MYO10: variants seen among roughly 807,000 people sequenced by gnomAD.
MYO10 encodes myosin X.
MYO10 carries 133 observed loss-of-function variants against 257.3 expected under a neutral mutation model. The ratio of observed to expected loss-of-function variants is 0.52; its 90% CI spans 0.45 to 0.60. MYO10 has a LOEUF of 0.60. Among genes scored for constraint, MYO10 ranks in the 20% least tolerant of loss-of-function variants. The probability of loss-of-function intolerance (pLI) is 0.00; values close to 1 mark genes in which losing one functional copy is unlikely to be tolerated. For missense variants in MYO10, 2,399 were observed against 2,635.7 expected (o/e 0.91, Z 1.97); for synonymous variants, 1,104 against 1,028.6 (o/e 1.07, Z -1.40).
Position 16,675,121 on chromosome 5 carries a change from G to C in MYO10, c.4696C>G (p.Gln1566Glu). 6.2e-7 allele frequency: 1 copy of C among 1,613,902 alleles called. No homozygotes were observed. The highest frequency in any genetic ancestry group is 8.5e-7 in the Non-Finnish European group (1 of 1,179,882). The change falls in exon 35 of 41, where the codon CAG becomes GAG. Residue 1566 changes from glutamine (Q) to glutamate (E), a missense_variant. Coordinates refer to ENST00000513610, the MANE Select transcript of MYO10 (RefSeq NM_012334.3). ...LLKDKGYTTLQDEAIKIFNSL... is the reference protein window; with the variant it reads ...LLKDKGYTTLEDEAIKIFNSL... The stretch of plus-strand genomic sequence containing the variant: ...TTGAATATCTTGATGGCCTCATCCT[G>C]AAGGGTGGTATAGCCTTTGTCTTTG...
intron 1 of MYO10, among the ~76,000 whole-genome samples, chr5:16,887,926 A>C (rs1001168234): frequency 1.3e-5 from 2 of 152,234 alleles, no homozygotes; most frequent in African/African-American, 4.8e-5. Flanking sequence ...GAAATGAGAC[A>C]TCTCCAAATT....
At chr5:16,815,610 G>C (rs1178970441) in intron 3 of MYO10, 1 of 605,874 alleles carries the variant, frequency 1.7e-6, no homozygotes, top group East Asian at 2.8e-5. Context: ...GTTCCAGGAA[G>C]ACAAAATAAG....
intron 1 of MYO10, among the ~76,000 whole-genome samples, chr5:16,897,939 G>A (rs1213386481): frequency 5.9e-5 from 9 of 152,174 alleles, no homozygotes; most frequent in African/African-American, 1.4e-4. Flanking sequence ...CAAACTCTGC[G>A]GACCCTAATC....
chr5:16,688,680 C>T (rs1053890720), intron 28 of MYO10, among the ~76,000 whole-genome samples: 11 of 150,418 alleles, frequency 7.3e-5, no homozygotes, highest in African/African-American at 2.7e-4. Context: ...GTGGAGGCTG[C>T]GGTGAGCCAA....
chr5:16,883,122 A>G (rs534414053), intron 1 of MYO10, among the ~76,000 whole-genome samples: 3 of 152,078 alleles, frequency 2.0e-5, no homozygotes, highest in Admixed American at 1.3e-4. Flanking sequence ...TCACCGTGTT[A>G]GCCAGGATGG....
In MYO10 at chr5:16,702,978, T is replaced by C. The variant is rs1738156602; in HGVS notation, c.2457A>G (p.Glu819=). 1 of 1,552,042 alleles carries C rather than the reference T, an allele frequency of 6.4e-7. No homozygotes were observed. Among genetic ancestry groups the C allele is most frequent in the African/African-American group, 1.4e-5 (1 of 73,058 alleles). Residue 819 remains glutamate (E), a synonymous_variant, in exon 23 of 41, where the codon GAA becomes GAG. Coordinates refer to ENST00000513610, the MANE Select transcript of MYO10 (RefSeq NM_012334.3). ...CTTCCTCTTCCTGTTTCTTCTTTTC[T>C]TCTTGCTCCCTTTTCTCTGCCAGCA... ...RQLLAEKREQ[E]EKKKQEEEEK... is the part of the protein sequence containing the mutation.
intron 3 of MYO10, among the ~76,000 whole-genome samples, chr5:16,809,675 AT>A (rs1742375874): frequency 1.3e-5 from 2 of 152,244 alleles, no homozygotes; most frequent in African/African-American, 4.8e-5. Flanking sequence ...AAAGGAGGAT[AT>A]TTTTGAAACA....
At chr5:16,671,598 C>T in intron 37 of MYO10, 56 bp from the exon 38 acceptor site, 1 of 1,603,222 alleles carries the variant, frequency 6.2e-7, no homozygotes, top group East Asian at 2.2e-5. Flanking sequence ...CCTTCAGTGA[C>T]CCGCAGGGAC....
chr5:16,717,700 T>C (rs1738931556), intron 19 of MYO10, among the ~76,000 whole-genome samples: 1 of 151,458 alleles, frequency 6.6e-6, no homozygotes, highest in Non-Finnish European at 1.5e-5. Flanking sequence ...CATATCAACC[T>C]CTGATCACTG....
At chr5:16,822,508 C>A (rs952703781) in intron 2 of MYO10, among the ~76,000 whole-genome samples, 1 of 151,800 alleles carries the variant, frequency 6.6e-6, no homozygotes, top group African/African-American at 2.4e-5. Context: ...CTAAGGAGTA[C>A]CTGGGGGTTA....
chr5:16,815,971 T>G (rs1341676839), intron 3 of MYO10, among the ~76,000 whole-genome samples: 1 of 151,266 alleles, frequency 6.6e-6, no homozygotes, highest in Non-Finnish European at 1.5e-5. Context: ...TGAATTTCTC[T>G]GGACAGGGCT....
intron 2 of MYO10, among the ~76,000 whole-genome samples, chr5:16,820,935 ATATAT>A (rs959141338): frequency 2.0e-5 from 3 of 147,892 alleles, no homozygotes; most frequent in African/African-American, 4.9e-5. Flanking sequence ...AAAACATCTT[ATATAT>A]TATATATTAT....
chr5:16,802,549 C>T (rs992751656), intron 3 of MYO10, among the ~76,000 whole-genome samples: 7 of 150,114 alleles, frequency 4.7e-5, no homozygotes, highest in African/African-American at 1.7e-4. Context: ...CCCAGCTACT[C>T]AGGAGGCTGA....
intron 2 of MYO10, among the ~76,000 whole-genome samples, chr5:16,837,666 A>G (rs1466578741): frequency 6.6e-6 from 1 of 152,170 alleles, no homozygotes; most frequent in Non-Finnish European, 1.5e-5. Context: ...TTTAATACAC[A>G]TGAGTTAGGC....
At chr5:16,882,963 T>C (rs1352971770) in intron 1 of MYO10, among the ~76,000 whole-genome samples, 1 of 151,896 alleles carries the variant, frequency 6.6e-6, no homozygotes, top group Non-Finnish European at 1.5e-5. Flanking sequence ...TCACCCAGGC[T>C]GGAATGCAGT....
chr5:16,667,362 C>A (rs1040027806), intron 40 of MYO10, among the ~76,000 whole-genome samples: 2 of 152,168 alleles, frequency 1.3e-5, no homozygotes, highest in African/African-American at 2.4e-5. Context: ...GTCATTGCCA[C>A]CCCTTCTCAC....
intron 1 of MYO10, among the ~76,000 whole-genome samples, chr5:16,892,363 G>A (rs1199865846): frequency 1.3e-5 from 2 of 152,060 alleles, no homozygotes; most frequent in Non-Finnish European, 2.9e-5. Context: ...TGGGGTTGCC[G>A]GGCACGGTGG....
chr5:16,705,569 C>T (rs948998622), intron 21 of MYO10, among the ~76,000 whole-genome samples: 2 of 152,150 alleles, frequency 1.3e-5, no homozygotes, highest in East Asian at 3.9e-4. Flanking sequence ...CAGTATCAAA[C>T]ATTTTCATGC....
intron 19 of MYO10, among the ~76,000 whole-genome samples, chr5:16,729,544 C>T (rs763174882): frequency 2.0e-5 from 3 of 151,682 alleles, no homozygotes; most frequent in African/African-American, 7.3e-5. Context: ...TTCTGCCTCC[C>T]GGGTTCACAC....
Sources: allele counts gnomAD v4.1 joint callset (sites outside exome capture counted in the v4.1 genomes callset), GRCh38; gene constraint gnomAD v4.1.1; transcripts MANE v1.5; gene names NCBI Gene and HGNC (gene_info 2026-07-23, HGNC 2026-07-21).